The following WDR47 variants were observed in gnomAD, a reference collection of about 807,000 sequenced individuals.
WDR47 encodes the protein WD repeat-containing protein 47.
A neutral mutation model predicts 97.2 loss-of-function variants in WDR47; 32 were observed. The observed-to-expected ratio is 0.33, with a 90% CI of 0.25 to 0.44. The LOEUF is 0.44. Among genes scored for constraint, WDR47 ranks in the 20% least tolerant of loss-of-function variants. The pLI, the probability that WDR47 is intolerant of heterozygous loss-of-function variation, is 1.00. For missense variants in WDR47, 782 were observed against 1,102.3 expected (o/e 0.71, Z 4.11); for synonymous variants, 375 against 373.5 (o/e 1.00, Z -0.05).
At chr1:109,029,934 T>C in intron 1 of WDR47, 1 of 357,742 alleles carries the variant, frequency 2.8e-6, no homozygotes. Flanking sequence ...ATATTGACTC[T>C]GTGTATTTCC....
chr1:109,036,644 G>A (rs1389965530), intron 1 of WDR47, among the ~76,000 whole-genome samples: 1 of 151,748 alleles, frequency 6.6e-6, no homozygotes, highest in Non-Finnish European at 1.5e-5. Context: ...AGACCATCCT[G>A]GCTAACACGG....
At chr1:109,001,629 C>A (rs1329078074) in intron 7 of WDR47, among the ~76,000 whole-genome samples, 1 of 152,086 alleles carries the variant, frequency 6.6e-6, no homozygotes, top group Non-Finnish European at 1.5e-5. Context: ...GTGGCTCATG[C>A]CTGTAATTCC....
At chr1:109,011,960 A>G (rs752052361) in intron 4 of WDR47, among the ~76,000 whole-genome samples, 8 of 152,160 alleles carry the variant, frequency 5.3e-5, no homozygotes, top group Non-Finnish European at 1.2e-4. Flanking sequence ...TAATTCAGGC[A>G]TAAGACAGGA....
At chr1:109,035,416 A>G (rs181592935) in intron 1 of WDR47, among the ~76,000 whole-genome samples, 4 of 152,200 alleles carry the variant, frequency 2.6e-5, no homozygotes, top group Non-Finnish European at 5.9e-5. Flanking sequence ...TTTGCAGTTT[A>G]TCTGAAGAGT....
At chr1:108,992,207 G>T (rs1479542058) in intron 8 of WDR47, 2 of 771,278 alleles carry the variant, frequency 2.6e-6, no homozygotes, top group East Asian at 4.9e-5. Context: ...TAGATAATAA[G>T]AAAGACCTCT....
chr1:109,013,980 TAG>T, intron 3 of WDR47, 55 bp from the exon 4 acceptor site: 1 of 1,287,306 alleles, frequency 7.8e-7, no homozygotes, highest in Non-Finnish European at 1.1e-6. Flanking sequence ...CAAATATACT[TAG>T]AAGTTACTAT....
At chr1:109,018,598 C>A (rs762403138) in intron 2 of WDR47, among the ~76,000 whole-genome samples, 1 of 151,936 alleles carries the variant, frequency 6.6e-6, no homozygotes, top group Non-Finnish European at 1.5e-5. Context: ...GCAATTCACT[C>A]GAGCTCAGGA....
intron 2 of WDR47, among the ~76,000 whole-genome samples, chr1:109,019,169 G>C (rs1571230882): frequency 6.6e-6 from 1 of 151,902 alleles, no homozygotes; most frequent in Non-Finnish European, 1.5e-5. Flanking sequence ...GATCACCTGA[G>C]GTCAGGAGTT....
chr1:109,036,016 G>A (rs1662918210), intron 1 of WDR47, among the ~76,000 whole-genome samples: 3 of 151,836 alleles, frequency 2.0e-5, no homozygotes, highest in Non-Finnish European at 4.4e-5. Flanking sequence ...AAGCAAAAAA[G>A]AACTATGAAA....
chr1:109,030,757 TAAAAA>T (rs35274764), intron 1 of WDR47, among the ~76,000 whole-genome samples: 4 of 113,214 alleles, frequency 3.5e-5, no homozygotes, highest in African/African-American at 6.3e-5. Flanking sequence ...TCTTTTCCTT[TAAAAA>T]AAAAAAAAAA....
chr1:109,013,789 T>C (rs111918341), intron 4 of WDR47, 52 bp downstream of exon 4: 1 of 1,584,676 alleles, frequency 6.3e-7, no homozygotes, highest in South Asian at 1.1e-5. Context: ...ACTAAAATAC[T>C]TATGACTGAA....
intron 13 of WDR47, among the ~76,000 whole-genome samples, chr1:108,980,876 C>T (rs1279920794): frequency 6.6e-6 from 1 of 151,790 alleles, no homozygotes; most frequent in Non-Finnish European, 1.5e-5. Context: ...GCCTGTAATC[C>T]CAGCACTGTG....
chr1:108,999,219 C>T (rs938248110), intron 7 of WDR47, among the ~76,000 whole-genome samples: 2 of 148,354 alleles, frequency 1.3e-5, no homozygotes, highest in Admixed American at 1.4e-4. Flanking sequence ...AAGAGCAAGA[C>T]TCTGTCCCCA....
intron 1 of WDR47, among the ~76,000 whole-genome samples, chr1:109,026,682 A>C (rs934674860): frequency 6.6e-6 from 1 of 152,142 alleles, no homozygotes; most frequent in African/African-American, 2.4e-5. Flanking sequence ...TTAATGCACA[A>C]TTGGGACTAT....
At chr1:109,030,967 C>A (rs1662574724) in intron 1 of WDR47, among the ~76,000 whole-genome samples, 1 of 139,192 alleles carries the variant, frequency 7.2e-6, no homozygotes, top group Non-Finnish European at 1.6e-5. Context: ...CTATGATTTC[C>A]CTTCAAGTTT....
intron 7 of WDR47, among the ~76,000 whole-genome samples, chr1:109,000,615 G>A (rs551311309): frequency 6.6e-6 from 1 of 150,710 alleles, no homozygotes; most frequent in East Asian, 2.0e-4. Context: ...AGTAGAGGCT[G>A]CAGCGAGCCG....
In WDR47 at chr1:109,011,612, C is replaced by T. The variant is rs767448652; in HGVS notation, c.434G>A (p.Arg145His). Residue 145 changes from arginine (R) to histidine (H), a missense_variant, in exon 5 of 15, where the codon CGT becomes CAT. By Grantham distance (29) the Arg-to-His change is conservative. Transcript: ENST00000369962. ...CTTAAACTCGGCATGATTGGTCAGA[C>T]GAGGCAAAGTCAAAAGCAAACAGAG... is the stretch of plus-strand genomic sequence containing the variant. ...SKLCLLLTLP[R>H]LTNHAEFKDW... 8.7e-6 allele frequency: 14 copies of T among 1,613,942 alleles called. No homozygotes were observed. The highest frequency in any genetic ancestry group is 1.2e-5 in the Non-Finnish European group (14 of 1,180,046).
intron 2 of WDR47, among the ~76,000 whole-genome samples, chr1:109,022,709 C>G (rs1318824184): frequency 2.0e-5 from 3 of 151,968 alleles, no homozygotes; most frequent in Admixed American, 2.0e-4. Context: ...CTCAGCCTCC[C>G]GACTAGCTGG....
chr1:109,025,769 T>C (rs1194437118), intron 1 of WDR47, among the ~76,000 whole-genome samples: 1 of 151,450 alleles, frequency 6.6e-6, no homozygotes, highest in Non-Finnish European at 1.5e-5. Context: ...TAAAAAAAAG[T>C]GGCGCTAGGG....
Sources: gnomAD v4.1 joint callset for allele counts (sites outside exome capture counted in the v4.1 genomes callset) on GRCh38, gnomAD v4.1.1 for gene constraint, MANE v1.5 for transcripts, NCBI Gene and HGNC (gene_info 2026-07-23, HGNC 2026-07-21) for gene names.